The following ZNF263 variants were observed in gnomAD, a reference collection of about 807,000 sequenced individuals.
ZNF263 encodes zinc finger protein 263, also known as zinc finger protein FPM315.
In ZNF263, 49 loss-of-function variants were observed where a neutral mutation model predicts 63.1. The observed-to-expected ratio is 0.78, with a 90% CI of 0.62 to 0.99. The LOEUF is 0.99. Among genes scored for constraint, ZNF263 ranks in the 50% least tolerant of loss-of-function variants. The probability of loss-of-function intolerance (pLI) is 0.00; values close to 1 mark genes in which losing one functional copy is unlikely to be tolerated. For synonymous variants in ZNF263, 352 were observed against 324.2 expected, an observed-to-expected ratio of 1.09 and a Z score of -0.92; for missense variants, 872 against 854.8, an observed-to-expected ratio of 1.02 and a Z score of -0.25.
rs1959919620 is a variant in ZNF263 at position 3,300,844 on chromosome 16, G to C, written c.*47-69G>C. 1.4e-5 allele frequency: 8 copies of C among 553,940 alleles called. No individual in the cohort carries two copies. In the South Asian group the frequency reaches 3.0e-4, roughly 21 times the overall value. 34.3% of individuals were successfully genotyped at this position (553,940 alleles called of 1,614,324 possible). Reference sequence around the variant, plus strand: ...GCTGCCAGTTGCAAAGTCCTGTCTGGCTCTTGCTCCTGCAAGCCATGAGTG... The same window carrying C: ...GCTGCCAGTTGCAAAGTCCTGTCTGCCTCTTGCTCCTGCAAGCCATGAGTG... On this transcript the variant is annotated intron_variant, in intron 2 of 2. Transcript: ENST00000574674.
chr16:3,288,419 G>T, intron 4 of ZNF263, 35 bp from the exon 5 acceptor site: 1 of 1,485,478 alleles, frequency 6.7e-7, no homozygotes, highest in Non-Finnish European at 9.4e-7. Context: ...GAGGAAAGTG[G>T]CAGTACAGAA....
chr16:3,283,856 T>A lies in ZNF263; in HGVS notation c.38T>A (p.Leu13His). Residue 13 changes from leucine (L) to histidine (H), a missense_variant, in exon 1 of 6, where the codon CTC (leucine) becomes CAC (histidine). By Grantham distance (99) the Leu-to-His change is moderately conservative. Coordinates refer to ENST00000219069, the MANE Select transcript of ZNF263 (RefSeq NM_005741.5). ...CCGGGCTCCCAGGAACGGGAAGGGC[T>A]CCTGATAGTGAAGCTGGAGGAGGAC... is the stretch of plus-strand genomic sequence containing the variant. ...SGPGSQEREG[L>H]LIVKLEEDCA... 1.9e-6 allele frequency: 3 copies of A among 1,600,770 alleles called. No homozygotes were observed. The highest frequency in any genetic ancestry group is 2.6e-6 in the Non-Finnish European group (3 of 1,174,832).
At chr16:3,299,027 G>C in intron 1 of ZNF263, 7 of 1,378,218 alleles carry the variant, frequency 5.1e-6, no homozygotes, top group Non-Finnish European at 6.6e-6. Flanking sequence ...TGAGGCCTAG[G>C]TTTCAAAAAG....
At position 3,285,725 on chromosome 16, in the gene ZNF263, A is replaced by G. The variant is rs2150772053; in HGVS notation, c.613A>G (p.Met205Val). 1 of 1,614,130 alleles carries G rather than the reference A, an allele frequency of 6.2e-7. No homozygotes were observed. Among genetic ancestry groups the G allele is most frequent in the South Asian group, 1.1e-5 (1 of 91,074 alleles). ...WLSLFPPEGN[M>V]EDKEMTGPQL... The stretch of plus-strand genomic sequence containing the variant: ...TTCTCTTTTTCCTCCTGAAGGGAAC[A>G]TGGAAGACAAGGAGATGACTGGGCC... The change falls in exon 3 of 6, where the codon ATG (methionine) becomes GTG (valine). Residue 205 changes from methionine (M) to valine (V), a missense_variant. Physicochemically the swap from Met to Val is conservative, Grantham distance 21. Coordinates refer to ENST00000219069, the MANE Select transcript of ZNF263 (RefSeq NM_005741.5).
In ZNF263 at chr16:3,286,105, C is replaced by T. The variant is rs775987421; in HGVS notation, c.725C>T (p.Ser242Phe). Residue 242 changes from serine to phenylalanine, a missense_variant, in exon 4 of 6, where the codon TCC (serine) becomes TTC (phenylalanine). Physicochemically the swap from Ser to Phe is radical, Grantham distance 155. Transcript: ENST00000219069. ...CAGGATCCTAGTAAGAGGGCCCTCT[C>T]CAGGGACACGGTGCAGGAGAGTTAT... ...GHQDPSKRAL[S>F]RDTVQESYEN... is the part of the protein sequence containing the mutation. The T allele has an allele frequency of 5.6e-6, 9 of 1,611,298 alleles. No homozygotes were observed. In the Admixed American group the frequency reaches 1.2e-4, roughly 21 times the overall value.
chr16:3,291,550 A>G (rs1959612599), downstream of ZNF263: 2 of 956,620 alleles, frequency 2.1e-6, no homozygotes, highest in Non-Finnish European at 2.5e-6. Flanking sequence ...CTGCTTTCTC[A>G]TAGACTTACT....
At chr16:3,295,375 C>G (rs1303980680), downstream of ZNF263, among the ~76,000 whole-genome samples, 1 of 152,222 alleles carries the variant, frequency 6.6e-6, no homozygotes, top group Non-Finnish European at 1.5e-5. Context: ...CCCAGCCGCC[C>G]AAGTCACCGC....
chr16:3,301,380 T>C, exon 3 of ZNF263: 1 of 167,250 alleles, frequency 6.0e-6, no homozygotes. Flanking sequence ...TTGCATTCAA[T>C]ATAGTATTGT....
Position 3,286,034 on chromosome 16 carries a change from C to G in ZNF263, c.654C>G (p.Ser218Arg). The part of the protein sequence containing the change: ...KEMTGPQLPE[S>R]LEDVAMYISQ... ...TTGTGCTGTTTCAGTTGCCTGAGAG[C>G]TTAGAGGACGTGGCAATGTACATCT... Residue 218 changes from serine (S) to arginine (R), a missense_variant, in exon 4 of 6, where the codon AGC (serine) becomes AGG (arginine). Transcript: ENST00000219069. The G allele has an allele frequency of 1.2e-6, 2 of 1,613,688 alleles. No individual in the cohort carries two copies. Among genetic ancestry groups the G allele is most frequent in the Non-Finnish European group, 1.7e-6 (2 of 1,179,860 alleles).
chr16:3,300,085 C>G (rs917713385), intron 2 of ZNF263: 1 of 1,614,064 alleles, frequency 6.2e-7, no homozygotes, highest in Non-Finnish European at 8.5e-7. Context: ...TGTTTCATCC[C>G]CACTGTATAG....
intron 1 of ZNF263, among the ~76,000 whole-genome samples, chr16:3,297,761 G>A (rs995399506): frequency 6.6e-6 from 1 of 152,060 alleles, no homozygotes; most frequent in African/African-American, 2.4e-5. Flanking sequence ...ACCGCGCCCG[G>A]CCAGAAACAG....
At chr16:3,285,277 G>A in intron 2 of ZNF263, 38 bp downstream of exon 2, 2 of 1,575,784 alleles carry the variant, frequency 1.3e-6, no homozygotes, top group South Asian at 1.1e-5. Context: ...GAGGGAGGAG[G>A]GGCTTGGGGG....
intron 4 of ZNF263, among the ~76,000 whole-genome samples, chr16:3,287,853 G>A (rs920040000): frequency 6.6e-6 from 1 of 151,524 alleles, no homozygotes; most frequent in Non-Finnish European, 1.5e-5. Context: ...ATATTAAATG[G>A]ATTATTCAAG....
chr16:3,283,933 G>T lies in ZNF263; in HGVS notation c.115G>T (p.Ala39Ser). Residue 39 changes from alanine (A) to serine (S), a missense_variant, in exon 1 of 6, where the codon GCC (alanine) becomes TCC (serine). Transcript: ENST00000219069. Reference sequence around the variant, plus strand: ...ACCTGACCCAGGACCGAGCCCCGAGGCCTCCCACTTGCGCTTCAGACGGTT... The same window carrying T: ...ACCTGACCCAGGACCGAGCCCCGAGTCCTCCCACTTGCGCTTCAGACGGTT... ...PPPDPGPSPE[A>S]SHLRFRRFRF... 6.2e-7 allele frequency: 1 copy of T among 1,613,734 alleles called. No individual in the cohort carries two copies. Among genetic ancestry groups the T allele is most frequent in the African/African-American group, 1.3e-5 (1 of 75,064 alleles).
intron 1 of ZNF263, chr16:3,299,076 C>G: frequency 2.8e-6 from 4 of 1,418,048 alleles, no homozygotes; most frequent in Non-Finnish European, 3.7e-6. Context: ...GGAACTGTTT[C>G]TTGACTATTT....
At chr16:3,299,412 AT>A (rs758275147) in intron 2 of ZNF263, 1 of 1,555,052 alleles carries the variant, frequency 6.4e-7, no homozygotes, top group Admixed American at 2.0e-5. Context: ...TGTAAAGAAG[AT>A]TTTCCCATGC....
Position 3,289,959 on chromosome 16 carries a change from A to G in ZNF263, c.1453A>G (p.Thr485Ala). The G allele has an allele frequency of 6.2e-7, 1 of 1,614,172 alleles. No homozygotes were observed. Among genetic ancestry groups the G allele is most frequent in the South Asian group, 1.1e-5 (1 of 91,086 alleles). ...SNLHRHQRTH[T>A]GEKPYKCPEC... is the part of the protein sequence containing the mutation. ...CCTCCACAGGCACCAGAGAACGCAC[A>G]CTGGGGAGAAGCCCTACAAGTGCCC... Residue 485 changes from threonine (T) to alanine (A), a missense_variant, in exon 6 of 6, where the codon ACT becomes GCT. Transcript: ENST00000219069.
chr16:3,290,593 G>A lies in ZNF263; in HGVS notation c.*35G>A. 1.3e-6 allele frequency: 2 copies of A among 1,562,102 alleles called. No individual in the cohort carries two copies. Among genetic ancestry groups the A allele is most frequent in the Non-Finnish European group, 1.7e-6 (2 of 1,157,346 alleles). On this transcript the variant is annotated 3_prime_UTR_variant, in exon 6 of 6. Coordinates refer to ENST00000219069, the MANE Select transcript of ZNF263 (RefSeq NM_005741.5). The stretch of plus-strand genomic sequence containing the variant: ...GGTTTCTCTTTGCCCCAGGTGAGGT[G>A]GCATATTCAGAGGAGCCTGTTGGCA...
At chr16:3,301,368 T>C (rs916049474) in exon 3 of ZNF263, 1 of 167,132 alleles carries the variant, frequency 6.0e-6, no homozygotes, top group East Asian at 1.9e-4. Context: ...ATCCAACTTT[T>C]ATTGCATTCA....
Sources: gnomAD v4.1 joint callset for allele counts (sites outside exome capture counted in the v4.1 genomes callset) on GRCh38, gnomAD v4.1.1 for gene constraint, MANE v1.5 for transcripts, NCBI Gene and HGNC (gene_info 2026-07-23, HGNC 2026-07-21) for gene names.